Variants in SYNE2 observed in about 807,000 individuals in gnomAD.
The protein encoded by SYNE2 is spectrin repeat containing nuclear envelope protein 2.
A neutral mutation model predicts 856.3 loss-of-function variants in SYNE2; 431 were observed. The observed-to-expected ratio is 0.50, with a 90% CI of 0.47 to 0.55. The LOEUF (loss-of-function observed/expected upper bound fraction) is 0.55. Ranked by LOEUF, SYNE2 falls within the 20% of genes least tolerant of loss-of-function variation. The probability of loss-of-function intolerance (pLI) is 0.00; values close to 1 mark genes in which losing one functional copy is unlikely to be tolerated. For missense variants in SYNE2, 8,129 were observed against 8,023.2 expected (o/e 1.01, Z -0.50); for synonymous variants, 2,923 against 2,872.3 (o/e 1.02, Z -0.56).
intron 11 of SYNE2, among the ~76,000 whole-genome samples, chr14:63,973,638 A>G (rs2096499981): frequency 6.6e-6 from 1 of 151,728 alleles, no homozygotes; most frequent in South Asian, 2.1e-4. Flanking sequence ...TCTCAAAAAA[A>G]AAAAAAAAAA....
chr14:64,126,519 G>T lies in SYNE2; in HGVS notation c.13707+40G>T, dbSNP rs1210743198. On this transcript the variant is annotated intron_variant, in intron 72 of 115. Transcript: ENST00000555002. ...ACGAGCCCATGTGTTGGCCATTACA[G>T]CAGCCCCGTGAGTTAAGCCCACGTG... 2.5e-6 allele frequency: 4 copies of T among 1,614,110 alleles called. No homozygotes were observed. In the South Asian group the frequency reaches 4.4e-5, roughly 18 times the overall value.
intron 30 of SYNE2, among the ~76,000 whole-genome samples, chr14:64,004,158 G>T (rs2096776843): frequency 6.6e-6 from 1 of 151,482 alleles, no homozygotes; most frequent in Non-Finnish European, 1.5e-5. Context: ...CCGAGTAGCT[G>T]GGACTACAGG....
chr14:63,816,874 T>TA (rs1889014119), intron 1 of SYNE2, among the ~76,000 whole-genome samples: 1 of 152,038 alleles, frequency 6.6e-6, no homozygotes, highest in East Asian at 1.9e-4. Context: ...CTCATTACCA[T>TA]ACCTGGCTAT....
chr14:63,771,316 C>G (rs1369515456), intron 1 of SYNE2, among the ~76,000 whole-genome samples: 1 of 151,784 alleles, frequency 6.6e-6, no homozygotes, highest in Non-Finnish European at 1.5e-5. Flanking sequence ...GTGATCCGCC[C>G]GCCTCGGCCT....
At chr14:63,944,035 G>A (rs1181469140) in intron 6 of SYNE2, among the ~76,000 whole-genome samples, 1 of 151,190 alleles carries the variant, frequency 6.6e-6, no homozygotes, top group Non-Finnish European at 1.5e-5. Context: ...ATAGTTCATG[G>A]TCATTTATTA....
Position 64,065,560 on chromosome 14 carries a change from G to A in SYNE2, c.10341G>A (p.Trp3447Ter). Residue 3447 changes from tryptophan (W) to a stop codon, truncating the protein, a stop_gained, in exon 51 of 116, where the codon TGG (tryptophan) becomes TGA (stop). Transcript: ENST00000555002. LOFTEE classifies it high-confidence loss of function. ...ICLLKIVSALWEKWLSLLEAA... is the reference protein window; with the variant it reads ...ICLLKIVSAL ...TGCTCAAGATTGTGTCGGCTCTGTGGGAGAAATGGCTGAGTTTGCTGGAAG... is the reference window on the plus strand; with the variant it reads ...TGCTCAAGATTGTGTCGGCTCTGTGAGAGAAATGGCTGAGTTTGCTGGAAG... 6.2e-7 allele frequency: 1 copy of A among 1,614,184 alleles called. No individual in the cohort carries two copies. The highest frequency in any genetic ancestry group is 8.5e-7 in the Non-Finnish European group (1 of 1,180,040).
chr14:64,215,131 G>GA (rs34764844), intron 106 of SYNE2, among the ~76,000 whole-genome samples, 155 bp from the exon 107 acceptor site: 1,788 of 150,610 alleles, frequency 0.012, 22 homozygotes, highest in Non-Finnish European at 0.021. Context: ...GAGTTGGCTG[G>GA]AAAAAAAAAT....
intron 63 of SYNE2, among the ~76,000 whole-genome samples, chr14:64,100,974 G>T (rs1482895786): frequency 6.6e-6 from 1 of 151,870 alleles, no homozygotes; most frequent in Non-Finnish European, 1.5e-5. Flanking sequence ...TGTTGCAAAT[G>T]ACAGAATTTC....
chr14:64,003,432 T>G, intron 30 of SYNE2, 102 bp downstream of exon 30: 1 of 1,434,512 alleles, frequency 7.0e-7, no homozygotes, highest in Non-Finnish European at 9.7e-7. Flanking sequence ...TCTGCTTCTA[T>G]TCCATCCCAC....
At chr14:64,219,470 T>C (rs993666466) in intron 110 of SYNE2, 60 bp downstream of exon 110, 5 of 1,552,236 alleles carry the variant, frequency 3.2e-6, no homozygotes, top group Non-Finnish European at 3.6e-6. Context: ...CGCATTGCTA[T>C]GCTGGACGAG....
chr14:63,994,996 G>A, intron 22 of SYNE2, 48 bp from the exon 23 acceptor site: 1 of 1,234,084 alleles, frequency 8.1e-7, no homozygotes, highest in Non-Finnish European at 1.1e-6. Flanking sequence ...ATACTTTTTT[G>A]TATATTTTGT....
At chr14:64,168,014 T>A (rs1422159759) in intron 92 of SYNE2, among the ~76,000 whole-genome samples, 1 of 152,238 alleles carries the variant, frequency 6.6e-6, no homozygotes, top group African/African-American at 2.4e-5. Flanking sequence ...GGTATAATTA[T>A]AACTGTAGCG....
At position 64,212,912 on chromosome 14, in the gene SYNE2, G is replaced by T. The variant is rs757232346; in HGVS notation, c.18963G>T (p.Leu6321=). 80 of 1,614,118 alleles carry T rather than the reference G, an allele frequency of 5.0e-5. No individual in the cohort carries two copies. The highest frequency in any genetic ancestry group is 6.7e-5 in the Non-Finnish European group (79 of 1,180,054). ...AGAGCGAGCCCCTGGATGCTGTGCT[G>T]ATTGAGGATGAGCTGGAGGAACTCC... ...IQKSEPLDAV[L]IEDELEELHR... Residue 6321 remains leucine (L), a synonymous_variant, in exon 105 of 116, where the codon CTG becomes CTT. Transcript: ENST00000555002.
At chr14:64,072,672 T>C (rs564522630) in intron 52 of SYNE2, among the ~76,000 whole-genome samples, 19 of 152,180 alleles carry the variant, frequency 1.2e-4, no homozygotes, top group Non-Finnish European at 2.5e-4. Context: ...GCTAATTCTT[T>C]GTATTTTTAG....
At chr14:63,950,790 G>A (rs946916) in intron 7 of SYNE2, among the ~76,000 whole-genome samples, 73,259 of 151,686 alleles carry the variant, frequency 0.48, 18,721 homozygotes, top group Non-Finnish European at 0.56. Flanking sequence ...CTGAGTAGCT[G>A]GGACTACAGG....
chr14:64,030,988 G>T (rs1267790540), intron 44 of SYNE2, 28 bp from the exon 45 acceptor site: 2 of 1,528,994 alleles, frequency 1.3e-6, no homozygotes, highest in Non-Finnish European at 1.8e-6. Flanking sequence ...ATTGAATGGA[G>T]ATATAACAAT....
chr14:64,156,442 T>C (rs992219374), intron 85 of SYNE2, among the ~76,000 whole-genome samples: 1 of 138,266 alleles, frequency 7.2e-6, no homozygotes, highest in Admixed American at 7.1e-5. Context: ...CTTTCTTCTT[T>C]ATTTTCTTTT....
At chr14:64,190,585 C>T (rs1203149811) in intron 99 of SYNE2, 4 of 701,770 alleles carry the variant, frequency 5.7e-6, no homozygotes, top group African/African-American at 3.5e-5. Context: ...GAGCCATGCC[C>T]GTTGCTCCTG....
intron 1 of SYNE2, among the ~76,000 whole-genome samples, chr14:63,887,097 G>A (rs146217411): frequency 1.3e-5 from 2 of 152,064 alleles, no homozygotes; most frequent in East Asian, 3.9e-4. Flanking sequence ...CCTGGTCAAC[G>A]TGGTGAAACC....
Sources: gnomAD v4.1 joint callset for allele counts (sites outside exome capture counted in the v4.1 genomes callset) on GRCh38, gnomAD v4.1.1 for gene constraint, MANE v1.5 for transcripts, NCBI Gene and HGNC (gene_info 2026-07-23, HGNC 2026-07-21) for gene names.